ABCE1: variants seen among roughly 807,000 people sequenced by gnomAD.
ABCE1 encodes the protein ATP-binding cassette sub-family E member 1.
In ABCE1, 22 loss-of-function variants were observed where a neutral mutation model predicts 83.4. The observed-to-expected ratio is 0.26, with a 90% confidence interval of 0.19 to 0.38. ABCE1 has a LOEUF of 0.38. ABCE1 is among the 10% of genes least tolerant of loss of function. The probability of loss-of-function intolerance (pLI) is 1.00; values close to 1 mark genes in which losing one functional copy is unlikely to be tolerated. For missense variants in ABCE1, 330 were observed against 721.9 expected (o/e 0.46, Z 6.22); for synonymous variants, 204 against 233.7 (o/e 0.87, Z 1.16).
chr4:145,115,174 TG>T (rs1749578009), intron 9 of ABCE1, among the ~76,000 whole-genome samples: 1 of 151,958 alleles, frequency 6.6e-6, no homozygotes, highest in Non-Finnish European at 1.5e-5. Context: ...GAAAACAGAA[TG>T]GCTGACCTAA....
intron 2 of ABCE1, among the ~76,000 whole-genome samples, chr4:145,105,248 CA>C (rs1749268473): frequency 6.6e-6 from 1 of 152,078 alleles, no homozygotes; most frequent in Non-Finnish European, 1.5e-5. Context: ...TTACCATTTT[CA>C]AGGCATATTT....
In ABCE1 at chr4:145,120,157, A is replaced by T; in HGVS notation, c.1144+4A>T. 3 of 1,596,124 alleles carry T rather than the reference A, an allele frequency of 1.9e-6. No homozygotes were observed. Among genetic ancestry groups the T allele is most frequent in the Non-Finnish European group, 2.6e-6 (3 of 1,173,868 alleles). ...ATGGTGATGCTGGGGGAAAATGGTA[A>T]GTTTTCTGTTTTGTGATAAGTAAAA... On this transcript the variant is annotated splice_donor_region_variant and intron_variant, in intron 11 of 17. Transcript: ENST00000296577.
intron 1 of ABCE1, among the ~76,000 whole-genome samples, chr4:145,100,809 A>C (rs1749131324): frequency 6.6e-6 from 1 of 152,146 alleles, no homozygotes; most frequent in South Asian, 2.1e-4. Context: ...GGTAACTTGC[A>C]AGATTTCTAA....
intron 11 of ABCE1, among the ~76,000 whole-genome samples, 160 bp downstream of exon 11, chr4:145,120,313 A>G (rs1158734754): frequency 6.6e-6 from 1 of 152,068 alleles, no homozygotes; most frequent in African/African-American, 2.4e-5. Context: ...TTTTTTTGGC[A>G]TTGTGTAATT....
Position 145,117,282 on chromosome 4 carries a change from T to C in ABCE1, c.801-11T>C. 6.3e-7 allele frequency: 1 copy of C among 1,590,748 alleles called. No homozygotes were observed. The highest frequency in any genetic ancestry group is 2.2e-5 in the East Asian group (1 of 44,638). Reference sequence around the variant, plus strand: ...GTAAGAGTTTTAACTAAAATCTGGTTTGATTTTCAGATATATCATTGTGGT... The same window carrying C: ...GTAAGAGTTTTAACTAAAATCTGGTCTGATTTTCAGATATATCATTGTGGT... On this transcript the variant is annotated splice_polypyrimidine_tract_variant and intron_variant, in intron 9 of 17. Coordinates refer to ENST00000296577, the MANE Select transcript of ABCE1 (RefSeq NM_002940.3).
In ABCE1 at chr4:145,110,719, C is replaced by A. The variant is rs996460773; in HGVS notation, c.614-249C>A. On this transcript the variant is annotated intron_variant, in intron 7 of 17. Coordinates refer to ENST00000296577, the MANE Select transcript of ABCE1 (RefSeq NM_002940.3). ...CTCGAACTCCCACCTGCCTCAGCCT[C>A]CCAAAGTGCTAGGATTACAGGCGTG... 1.6e-5 allele frequency: 9 copies of A among 546,154 alleles called. No individual in the cohort carries two copies. The Middle Eastern group carries it at 2.4e-3, about 148-fold the overall frequency. The allele number at this position is 546,154 out of a possible 1,614,324, so 33.8% of individuals were successfully genotyped here.
intron 7 of ABCE1, 81 bp downstream of exon 7, chr4:145,110,525 G>T (rs1749440369): frequency 7.2e-7 from 1 of 1,398,136 alleles, no homozygotes; most frequent in African/African-American, 1.4e-5. Context: ...GCCCAGGCTG[G>T]GGTGCAATGA....
At chr4:145,122,745 A>C (rs1158624187) in intron 13 of ABCE1, 2 of 236,356 alleles carry the variant, frequency 8.5e-6, no homozygotes, top group Non-Finnish European at 1.6e-5. Flanking sequence ...TGGGAGGTTG[A>C]TGCTGCAGTG....
intron 1 of ABCE1, among the ~76,000 whole-genome samples, chr4:145,101,066 TAAAA>T (rs34787215): frequency 6.6e-6 from 1 of 150,848 alleles, no homozygotes; most frequent in Non-Finnish European, 1.5e-5. Flanking sequence ...CAGATATATA[TAAAA>T]AAAATATATA....
At chr4:145,121,110 C>T (rs961793656) in intron 11 of ABCE1, 64 bp from the exon 12 acceptor site, 1 of 1,514,994 alleles carries the variant, frequency 6.6e-7, no homozygotes, top group Admixed American at 1.7e-5. Context: ...CCAAATAGGA[C>T]ATAGTGATTT....
intron 17 of ABCE1, among the ~76,000 whole-genome samples, chr4:145,127,129 T>TTA (rs148017994): frequency 4.4e-4 from 67 of 151,950 alleles, no homozygotes; most frequent in Non-Finnish European, 6.5e-4. Context: ...GGAAAAAACT[T>TTA]TATATATATA....
At position 145,110,366 on chromosome 4, in the gene ABCE1, T is replaced by C. The variant is rs781061209; in HGVS notation, c.544-9T>C. 95 of 1,612,192 alleles carry C rather than the reference T, an allele frequency of 5.9e-5. No individual in the cohort carries two copies. In the East Asian group the frequency reaches 1.5e-3, roughly 25 times the overall value. On this transcript the variant is annotated splice_polypyrimidine_tract_variant and intron_variant, in intron 6 of 17. Coordinates refer to ENST00000296577, the MANE Select transcript of ABCE1 (RefSeq NM_002940.3). ...GAAAATAGTAACTGTTTTTGGTATA[T>C]TGTGGCAGGGGACAGTGGGATCTAT...
chr4:145,120,393 GTTCT>G (rs1311745510), intron 11 of ABCE1, among the ~76,000 whole-genome samples: 1 of 151,968 alleles, frequency 6.6e-6, no homozygotes, highest in Admixed American at 6.6e-5. Flanking sequence ...AAAATAAGGT[GTTCT>G]TTGTCAGCTG....
chr4:145,123,672 T>C, intron 16 of ABCE1, 72 bp downstream of exon 16: 4 of 1,422,604 alleles, frequency 2.8e-6, no homozygotes, highest in Non-Finnish European at 3.8e-6. Flanking sequence ...GTCACTCACT[T>C]TAATTTTTAA....
intron 9 of ABCE1, among the ~76,000 whole-genome samples, chr4:145,113,848 A>C (rs1349169933): frequency 1.3e-5 from 2 of 152,196 alleles, no homozygotes; most frequent in Non-Finnish European, 2.9e-5. Flanking sequence ...AAAGTGCATT[A>C]GAAACCAGAT....
chr4:145,100,106 T>A (rs1303138213), intron 1 of ABCE1, among the ~76,000 whole-genome samples: 1 of 152,234 alleles, frequency 6.6e-6, no homozygotes, highest in Non-Finnish European at 1.5e-5. Flanking sequence ...CTACAAAGAA[T>A]CCATGTTCAT....
chr4:145,102,078 A>C (rs116599342), intron 1 of ABCE1, among the ~76,000 whole-genome samples: 48 of 152,298 alleles, frequency 3.2e-4, no homozygotes, highest in African/African-American at 1.1e-3. Context: ...TTAGTGTTGT[A>C]TCCTAAAACC....
chr4:145,114,082 T>G (rs1749550745), intron 9 of ABCE1, among the ~76,000 whole-genome samples: 1 of 152,166 alleles, frequency 6.6e-6, no homozygotes, highest in Non-Finnish European at 1.5e-5. Context: ...CTAATTCATG[T>G]AGATACTTTG....
intron 10 of ABCE1, 122 bp downstream of exon 10, chr4:145,117,536 G>A: frequency 1.2e-6 from 1 of 842,630 alleles, no homozygotes; most frequent in Non-Finnish European, 1.7e-6. Flanking sequence ...CTAGTTCCTT[G>A]GAATTTAATC....
Sources: gnomAD v4.1 joint callset for allele counts (sites outside exome capture counted in the v4.1 genomes callset) on GRCh38, gnomAD v4.1.1 for gene constraint, MANE v1.5 for transcripts, NCBI Gene and HGNC (gene_info 2026-07-23, HGNC 2026-07-21) for gene names.